The following HDGFL3 variants were observed in gnomAD, a reference collection of about 807,000 sequenced individuals.
HDGFL3 encodes HDGF like 3.
In HDGFL3, 6 loss-of-function variants were observed where a neutral mutation model predicts 27.6. That is an observed-to-expected ratio of 0.22 (90% CI 0.12 to 0.43). HDGFL3 has a LOEUF of 0.43. Ranked by LOEUF, HDGFL3 falls within the 20% of genes least tolerant of loss-of-function variation. The pLI is 1.00. For synonymous variants in HDGFL3, 88 were observed against 88.9 expected, an observed-to-expected ratio of 0.99 and a Z score of 0.05; for missense variants, 207 against 250.1, an observed-to-expected ratio of 0.83 and a Z score of 1.16.
intron 1 of HDGFL3, among the ~76,000 whole-genome samples, chr15:83,194,149 C>A (rs1272308497): frequency 6.6e-6 from 1 of 151,936 alleles, no homozygotes; most frequent in Non-Finnish European, 1.5e-5. Flanking sequence ...TCACAATAAC[C>A]AAAAGGTGAA....
chr15:83,190,083 C>T (rs1446895084), intron 1 of HDGFL3, among the ~76,000 whole-genome samples: 1 of 151,762 alleles, frequency 6.6e-6, no homozygotes, highest in Non-Finnish European at 1.5e-5. Flanking sequence ...GTGGTGTGTG[C>T]CTGTAGTCCT....
At chr15:83,192,672 A>G (rs1364827197) in intron 1 of HDGFL3, among the ~76,000 whole-genome samples, 1 of 152,252 alleles carries the variant, frequency 6.6e-6, no homozygotes, top group African/African-American at 2.4e-5. Flanking sequence ...AATTCATCAC[A>G]GGAAAATTTG....
rs2036584799 is a variant in HDGFL3, at chr15:83,136,008, CCCTTT to C, written c.*3257_*3261del. The stretch of plus-strand genomic sequence containing the variant: ...TGAAGCTGAGGTCCCCCCAGTGCTT[CCCTTT>C]CAATAGTTTATGCTAAAAATATTTG... On this transcript the variant is annotated 3_prime_UTR_variant, in exon 6 of 6. Coordinates refer to ENST00000299633, the MANE Select transcript of HDGFL3 (RefSeq NM_016073.4). 1 of 152,516 alleles carries C rather than the reference CCCTTT, an allele frequency of 6.6e-6. No homozygotes were observed. The highest frequency in any genetic ancestry group is 1.5e-5 in the Non-Finnish European group (1 of 68,286). 9.4% of individuals were successfully genotyped at this position (152,516 alleles called of 1,614,324 possible).
At chr15:83,163,016 C>T (rs980833542) in intron 2 of HDGFL3, among the ~76,000 whole-genome samples, 10 of 152,112 alleles carry the variant, frequency 6.6e-5, no homozygotes, top group African/African-American at 1.7e-4. Context: ...CAGAGTTGCC[C>T]AGCTAGAGAC....
intron 1 of HDGFL3, among the ~76,000 whole-genome samples, chr15:83,182,521 C>T (rs2037393446): frequency 6.6e-6 from 1 of 152,044 alleles, no homozygotes; most frequent in African/African-American, 2.4e-5. Context: ...CTTTAAAACA[C>T]TATGCTAAAT....
At chr15:83,125,367 T>G (rs892772091), downstream of HDGFL3, among the ~76,000 whole-genome samples, 1 of 152,230 alleles carries the variant, frequency 6.6e-6, no homozygotes, top group African/African-American at 2.4e-5. Context: ...CTGCAGAGGT[T>G]AGGAAAAAGA....
At chr15:83,186,662 T>A (rs1406820759) in intron 1 of HDGFL3, among the ~76,000 whole-genome samples, 3 of 152,114 alleles carry the variant, frequency 2.0e-5, no homozygotes, top group Non-Finnish European at 4.4e-5. Context: ...TTCTTACTTA[T>A]GAGTGAGAGC....
intron 1 of HDGFL3, among the ~76,000 whole-genome samples, chr15:83,187,320 A>AAATCTTCCCC (rs1567175894): frequency 3.9e-5 from 6 of 152,028 alleles, no homozygotes; most frequent in African/African-American, 9.7e-5. Flanking sequence ...TACAAATGTT[A>AAATCTTCCCC]CACGGGCAGA....
chr15:83,185,449 A>G (rs982962854), intron 1 of HDGFL3, among the ~76,000 whole-genome samples: 3 of 152,208 alleles, frequency 2.0e-5, no homozygotes, highest in African/African-American at 7.2e-5. Flanking sequence ...GAAATGGGTG[A>G]CTGCACTGGG....
intron 2 of HDGFL3, among the ~76,000 whole-genome samples, chr15:83,162,239 C>T (rs2037110984): frequency 6.6e-6 from 1 of 152,152 alleles, no homozygotes; most frequent in African/African-American, 2.4e-5. Context: ...GGTGAACATT[C>T]ATACTTGCCA....
At chr15:83,163,356 G>C (rs2037124118) in intron 2 of HDGFL3, among the ~76,000 whole-genome samples, 1 of 152,144 alleles carries the variant, frequency 6.6e-6, no homozygotes, top group Non-Finnish European at 1.5e-5. Flanking sequence ...TGCTGAGCCA[G>C]TTTTTTTGTT....
At chr15:83,169,252 A>G (rs1216049891) in intron 1 of HDGFL3, 1 of 444,468 alleles carries the variant, frequency 2.2e-6, no homozygotes. Context: ...ATAGTACTGG[A>G]ATGCCAGTCA....
chr15:83,187,780 CG>C (rs2037463097), intron 1 of HDGFL3, among the ~76,000 whole-genome samples: 1 of 150,566 alleles, frequency 6.6e-6, no homozygotes, highest in Non-Finnish European at 1.5e-5. Context: ...CCCAGCTACT[CG>C]GGAGGCTGAG....
chr15:83,164,147 T>A, intron 1 of HDGFL3, 72 bp from the exon 2 acceptor site: 1 of 872,402 alleles, frequency 1.1e-6, no homozygotes, highest in East Asian at 2.8e-5. Flanking sequence ...TCTGATAATT[T>A]ACTGCTAATT....
intron 3 of HDGFL3, chr15:83,115,905 G>T: frequency 4.3e-6 from 7 of 1,614,154 alleles, no homozygotes; most frequent in Non-Finnish European, 5.9e-6. Context: ...GAGCAAGATG[G>T]AATCATTGAC....
intron 1 of HDGFL3, among the ~76,000 whole-genome samples, chr15:83,171,028 C>G (rs139948680): frequency 2.0e-4 from 31 of 152,236 alleles, no homozygotes; most frequent in African/African-American, 6.5e-4. Context: ...GAGATACTAT[C>G]TCACACCAGT....
At chr15:83,194,609 A>T (rs142710718) in intron 1 of HDGFL3, among the ~76,000 whole-genome samples, 2 of 152,322 alleles carry the variant, frequency 1.3e-5, no homozygotes, top group Admixed American at 6.5e-5. Context: ...GCACATAAAA[A>T]GCTTATTCCA....
At chr15:83,150,246 G>A (rs1044391465) in intron 5 of HDGFL3, among the ~76,000 whole-genome samples, 3 of 152,268 alleles carry the variant, frequency 2.0e-5, no homozygotes, top group South Asian at 4.1e-4. Context: ...TGACATAAAG[G>A]TAGCAGGTCG....
chr15:83,164,618 C>CA (rs2037145791), intron 1 of HDGFL3, among the ~76,000 whole-genome samples: 1 of 152,130 alleles, frequency 6.6e-6, no homozygotes, highest in Non-Finnish European at 1.5e-5. Context: ...TTCCTTACTT[C>CA]AAATCTGTCT....
Sources: allele counts gnomAD v4.1 joint callset (sites outside exome capture counted in the v4.1 genomes callset), GRCh38; gene constraint gnomAD v4.1.1; transcripts MANE v1.5; gene names NCBI Gene and HGNC (gene_info 2026-07-23, HGNC 2026-07-21).